The following CA11 variants were observed in gnomAD, a reference collection of about 807,000 sequenced individuals.
CA11 encodes the protein carbonic anhydrase 11 (inactive), also known as carbonic anhydrase-related protein 11.
CA11 carries 20 observed loss-of-function variants against 39.3 expected under a neutral mutation model. The ratio of observed to expected loss-of-function variants is 0.51; its 90% CI spans 0.36 to 0.74. The LOEUF (loss-of-function observed/expected upper bound fraction) is 0.74, where lower values mean the gene tolerates loss of function less well. CA11 is among the 30% of genes least tolerant of loss of function. CA11 has a pLI of 0.00. For missense variants in CA11, 336 were observed against 424.6 expected (o/e 0.79, Z 1.83); for synonymous variants, 166 against 172.5 (o/e 0.96, Z 0.29).
Position 48,638,143 on chromosome 19 carries a change from C to A in CA11, c.963G>T (p.Val321=). The A allele has an allele frequency of 7.5e-7, 1 of 1,325,278 alleles. No individual in the cohort carries two copies. The highest frequency in any genetic ancestry group is 9.8e-7 in the Non-Finnish European group (1 of 1,022,200). The allele number at this position is 1,325,278 out of a possible 1,614,324, so 82.1% of individuals were successfully genotyped here. The change falls in exon 9 of 9, where the codon GTG becomes GTT. Residue 321 remains valine (V), a splice_region_variant and synonymous_variant. Transcript: ENST00000084798. ...RCRGPNYRLH[V]DGVPHGR ...CTCAGCGACCATGGGGGACACCATCCACTGTAAGACAGAGAACAACGGCAG... is the reference window on the plus strand; with the variant it reads ...CTCAGCGACCATGGGGGACACCATCAACTGTAAGACAGAGAACAACGGCAG...
chr19:48,645,715 T>A lies in CA11; in HGVS notation c.-83A>T. ...TCTGTCCCCTCCTTCTGGGACCCTG[T>A]CCCTCCAGGACTTCCAGCTTTCCTC... On this transcript the variant is annotated 5_prime_UTR_variant, in exon 1 of 9. Transcript: ENST00000084798. The A allele has an allele frequency of 8.5e-7, 1 of 1,175,632 alleles. No individual in the cohort carries two copies. Among genetic ancestry groups the A allele is most frequent in the Non-Finnish European group, 1.2e-6 (1 of 867,464 alleles). The allele number at this position is 1,175,632 out of a possible 1,614,324, so 72.8% of individuals were successfully genotyped here.
In CA11 at chr19:48,640,177, A is replaced by T. The variant is rs1409227297; in HGVS notation, c.389T>A (p.Leu130His). 6.2e-7 allele frequency: 1 copy of T among 1,614,062 alleles called. No individual in the cohort carries two copies. The highest frequency in any genetic ancestry group is 1.1e-5 in the South Asian group (1 of 91,074). ...SGGPLLYSHR[L>H]SELRLLFGAR... is the part of the protein sequence containing the mutation. ...TCCAAACAGCAGCCGCAGTTCACTG[A>T]GTCGGTGGCTGTAAAGGAGGGGACC... Residue 130 changes from leucine (L) to histidine (H), a missense_variant, in exon 4 of 9, where the codon CTC becomes CAC. Coordinates refer to ENST00000084798, the MANE Select transcript of CA11 (RefSeq NM_001217.5).
chr19:48,644,647 G>T (rs2031192211), intron 2 of CA11, 78 bp from the exon 3 acceptor site: 3 of 1,280,956 alleles, frequency 2.3e-6, no homozygotes, highest in Admixed American at 2.8e-5. Context: ...TGCTGAGTGG[G>T]CTGTGGTCTG....
At chr19:48,645,377 C>T in intron 2 of CA11, 26 bp downstream of exon 2, 1 of 1,559,318 alleles carries the variant, frequency 6.4e-7, no homozygotes, top group South Asian at 1.2e-5. Flanking sequence ...GAGGGCCGGA[C>T]TCCTGGGTCC....
chr19:48,639,671 T>C, intron 5 of CA11, 50 bp from the exon 6 acceptor site: 1 of 1,603,346 alleles, frequency 6.2e-7, no homozygotes, highest in South Asian at 1.1e-5. Flanking sequence ...GTCCAAGCCC[T>C]CAACCTTCTC....
Position 48,645,994 on chromosome 19 carries a change from A to C in CA11, c.-362T>G. 2.4e-6 allele frequency: 1 copy of C among 408,540 alleles called. No homozygotes were observed. The highest frequency in any genetic ancestry group is 9.3e-5 in the South Asian group (1 of 10,746). The allele number at this position is 408,540 out of a possible 1,614,324, so 25.3% of individuals were successfully genotyped here. The stretch of plus-strand genomic sequence containing the variant: ...CGTTCTCTTTTCATTAAGCTCTCCC[A>C]AGCCACCTAACTCCAGGTCTCCATC... On this transcript the variant is annotated 5_prime_UTR_variant, in exon 1 of 9. Transcript: ENST00000084798.
intron 2 of CA11, among the ~76,000 whole-genome samples, chr19:48,644,915 A>G (rs543735589): frequency 5.3e-5 from 8 of 152,150 alleles, no homozygotes; most frequent in Admixed American, 5.2e-4. Flanking sequence ...ATCTTAAGCC[A>G]CTGTAGATGG....
At position 48,641,865 on chromosome 19, in the gene CA11, A is replaced by G. The variant is rs181091495; in HGVS notation, c.286-1585T>C. Among the ~76,000 whole-genome samples the G allele has an allele frequency of 5.2e-5, 6 of 115,050 alleles. No individual in the cohort carries two copies. The East Asian group carries it at 9.6e-4, about 18-fold the overall frequency. The allele number at this position is 115,050 out of a possible 152,430, so 75.5% of individuals were successfully genotyped here. On this transcript the variant is annotated intron_variant, in intron 3 of 8. Coordinates refer to ENST00000084798, the MANE Select transcript of CA11 (RefSeq NM_001217.5). ...TTTTTTGGTAGAGAGGGTTCTCCCT[A>G]TGTTGCCCAGGCTGGTCTTAAATTC...
At position 48,645,450 on chromosome 19, in the gene CA11, T is replaced by C. The variant is rs2031218922; in HGVS notation, c.95A>G (p.Glu32Gly). 6.2e-7 allele frequency: 1 copy of C among 1,602,676 alleles called. No individual in the cohort carries two copies. The highest frequency in any genetic ancestry group is 8.5e-7 in the Non-Finnish European group (1 of 1,174,202). The change falls in exon 2 of 9, where the codon GAG (glutamate) becomes GGG (glycine). Residue 32 changes from glutamate (E) to glycine (G), a missense_variant. Coordinates refer to ENST00000084798, the MANE Select transcript of CA11 (RefSeq NM_001217.5). The part of the protein sequence containing the change: ...AAHIGPAPDP[E>G]DWWSYKDNLQ... ...ATTATCCTTGTAGCTCCACCAGTCC[T>C]CGGGGTCAGGTGCTGGTCCGATGTG...
intron 3 of CA11, 85 bp from the exon 4 acceptor site, chr19:48,640,365 G>GTTTT: frequency 2.1e-6 from 1 of 469,606 alleles, no homozygotes; most frequent in Non-Finnish European, 3.6e-6. Context: ...GATTCCAACA[G>GTTTT]TCTTTTTTTT....
intron 3 of CA11, among the ~76,000 whole-genome samples, chr19:48,642,470 G>A (rs1038753143): frequency 5.9e-5 from 9 of 152,308 alleles, no homozygotes; most frequent in African/African-American, 2.2e-4. Flanking sequence ...TTACACTCCA[G>A]CCTGGGCGAC....
Position 48,645,652 on chromosome 19 carries a change from G to A in CA11, c.-20C>T. 6.5e-7 allele frequency: 1 copy of A among 1,537,962 alleles called. No homozygotes were observed. The highest frequency in any genetic ancestry group is 8.7e-7 in the Non-Finnish European group (1 of 1,143,266). ...CCCCATCCCCAGGAGGCCTCCGAGG[G>A]ACCCCTGCCCAACGCCCTGCCCCCC... On this transcript the variant is annotated 5_prime_UTR_variant, in exon 1 of 9. Coordinates refer to ENST00000084798, the MANE Select transcript of CA11 (RefSeq NM_001217.5).
intron 8 of CA11, 76 bp from the exon 9 acceptor site, chr19:48,638,220 T>TGCGCC (rs1446680183): frequency 8.3e-7 from 1 of 1,202,098 alleles, no homozygotes; most frequent in African/African-American, 1.6e-5. Flanking sequence ...GGGCGTGGGC[T>TGCGCC]GCGCCGCGCT....
rs1244751070 is a variant in CA11 at position 48,638,119 on chromosome 19, T to C, written c.987A>G (p.Ter329TrpextTer?). The change falls in exon 9 of 9, where the codon TGA becomes TGG. Residue 329 changes from the stop codon to tryptophan, a stop_lost. Coordinates refer to ENST00000084798, the MANE Select transcript of CA11 (RefSeq NM_001217.5). ...LHVDGVPHGR[*>W] is the part of the protein sequence containing the mutation. ...CGGGTGCAATCCTCGAAGGGGAGTC[T>C]CAGCGACCATGGGGGACACCATCCA... The C allele has an allele frequency of 1.4e-6, 2 of 1,397,450 alleles. No individual in the cohort carries two copies. Among genetic ancestry groups the C allele is most frequent in the South Asian group, 1.6e-5 (1 of 63,606 alleles). The allele number at this position is 1,397,450 out of a possible 1,614,324, so 86.6% of individuals were successfully genotyped here. A position where few individuals can be genotyped will look rare whatever the true frequency, so the allele number is the denominator to read the frequency against.
Position 48,639,304 on chromosome 19 carries a change from C to T in CA11, c.795+1G>A, listed in dbSNP as rs1483788240. ...GAAGGGCGGTGCGGACAGAGGGTCACCTGAAGGGAGGTGATATTGAGGGCC... is the reference window on the plus strand; with the variant it reads ...GAAGGGCGGTGCGGACAGAGGGTCATCTGAAGGGAGGTGATATTGAGGGCC... On this transcript the variant is annotated splice_donor_variant, in intron 7 of 8. Transcript: ENST00000084798. LOFTEE classifies it high-confidence loss of function. 1 of 1,613,132 alleles carries T rather than the reference C, an allele frequency of 6.2e-7. No homozygotes were observed. Among genetic ancestry groups the T allele is most frequent in the Non-Finnish European group, 8.5e-7 (1 of 1,179,792 alleles).
Position 48,644,488 on chromosome 19 carries a change from A to G in CA11, c.224T>C (p.Leu75Pro), listed in dbSNP as rs1222120002. Reference sequence around the variant, plus strand: ...AAAGGGGTCATAAAGAACCCTCTTCAGCTCCACATCCACGGGGCTCTGCCG... The same window carrying G: ...AAAGGGGTCATAAAGAACCCTCTTCGGCTCCACATCCACGGGGCTCTGCCG... ...GKRQSPVDVE[L>P]KRVLYDPFLP... Residue 75 changes from leucine to proline, a missense_variant, in exon 3 of 9, where the codon CTG (leucine) becomes CCG (proline). Physicochemically the swap from Leu to Pro is moderately conservative, Grantham distance 98 (BLOSUM62 -3). Coordinates refer to ENST00000084798, the MANE Select transcript of CA11 (RefSeq NM_001217.5). 1.9e-6 allele frequency: 3 copies of G among 1,611,994 alleles called. No homozygotes were observed. The highest frequency in any genetic ancestry group is 1.3e-5 in the African/African-American group (1 of 74,900).
At chr19:48,639,145 C>T (rs1220058482) in intron 7 of CA11, 92 bp from the exon 8 acceptor site, 23 of 1,552,840 alleles carry the variant, frequency 1.5e-5, no homozygotes, top group Non-Finnish European at 1.9e-5. Context: ...AGCAGGTGGG[C>T]GGGGTCTGTT....
At chr19:48,642,929 A>T (rs1001542678) in intron 3 of CA11, among the ~76,000 whole-genome samples, 2 of 152,146 alleles carry the variant, frequency 1.3e-5, no homozygotes, top group African/African-American at 4.8e-5. Context: ...GCCGGCTCTT[A>T]TAAGAAATGG....
At position 48,644,437 on chromosome 19, in the gene CA11, C is replaced by T. The variant is rs1173253388; in HGVS notation, c.275G>A (p.Gly92Glu). ...PFLPPLRLST[G>E]GEKLRGTLYN... ...CTCCAAGCCCCTTACCTTCTCTCCT[C>T]CAGTGCTGAGCCTTAATGGGGGCAG... is the stretch of plus-strand genomic sequence containing the variant. The change falls in exon 3 of 9, where the codon GGA becomes GAA. Residue 92 changes from glycine to glutamate, a missense_variant. Physicochemically the swap from Gly to Glu is moderately conservative, Grantham distance 98 (BLOSUM62 -2). Coordinates refer to ENST00000084798, the MANE Select transcript of CA11 (RefSeq NM_001217.5). 2 of 1,599,906 alleles carry T rather than the reference C, an allele frequency of 1.3e-6. No homozygotes were observed. The highest frequency in any genetic ancestry group is 1.7e-6 in the Non-Finnish European group (2 of 1,171,378).
Sources: gnomAD v4.1 joint callset for allele counts (sites outside exome capture counted in the v4.1 genomes callset) on GRCh38, gnomAD v4.1.1 for gene constraint, MANE v1.5 for transcripts, NCBI Gene and HGNC (gene_info 2026-07-23, HGNC 2026-07-21) for gene names.